The following PTPRM variants were observed in gnomAD, a reference collection of about 807,000 sequenced individuals.
PTPRM encodes the protein protein tyrosine phosphatase receptor type M, also known as receptor-type tyrosine-protein phosphatase mu.
Under a neutral mutation model 186.7 loss-of-function variants are expected in PTPRM, and 47 were observed. The observed-to-expected ratio is 0.25, with a 90% confidence interval of 0.20 to 0.32. The LOEUF (loss-of-function observed/expected upper bound fraction) is 0.32. Ranked by LOEUF, PTPRM falls within the 10% of genes least tolerant of loss-of-function variation. The pLI is 1.00. For missense variants in PTPRM, 1,494 were observed against 1,865.0 expected (o/e 0.80, Z 3.66); for synonymous variants, 668 against 674.9 (o/e 0.99, Z 0.16).
At chr18:8,185,739 T>C (rs1307222796) in intron 14 of PTPRM, among the ~76,000 whole-genome samples, 1 of 152,204 alleles carries the variant, frequency 6.6e-6, no homozygotes, top group Non-Finnish European at 1.5e-5. Context: ...GGCAGGCATA[T>C]GGAATAGAGT....
chr18:8,306,530 C>T lies in PTPRM; in HGVS notation c.2843-8251C>T, dbSNP rs372214382. ...AAACTACAGCTCAGGTCTTCTCAAA[C>T]TTAGCAGGCTGTGTGCCCCAGAAAT... is the stretch of plus-strand genomic sequence containing the variant. On this transcript the variant is annotated intron_variant, in intron 20 of 32. Transcript: ENST00000580170. 7.9e-5 allele frequency among the ~76,000 whole-genome samples: 12 copies of T among 152,352 alleles called. No homozygotes were observed. In the East Asian group the frequency reaches 1.7e-3, roughly 22 times the overall value.
intron 1 of PTPRM, among the ~76,000 whole-genome samples, chr18:7,766,968 G>T (rs1436027367): frequency 6.6e-6 from 1 of 152,194 alleles, no homozygotes; most frequent in Non-Finnish European, 1.5e-5. Context: ...AATCAGACAT[G>T]TTGAGTGAGA....
chr18:7,901,551 G>A (rs543330448), intron 3 of PTPRM, among the ~76,000 whole-genome samples: 1 of 152,084 alleles, frequency 6.6e-6, no homozygotes, highest in African/African-American at 2.4e-5. Flanking sequence ...ATTTTTAGTA[G>A]AGACGGGTTT....
chr18:7,978,853 TATATG>T (rs2055138146), intron 7 of PTPRM, among the ~76,000 whole-genome samples: 2 of 151,030 alleles, frequency 1.3e-5, no homozygotes, highest in Non-Finnish European at 3.0e-5. Context: ...CCAATAATGT[TATATG>T]ATTTTTTTTT....
intron 1 of PTPRM, among the ~76,000 whole-genome samples, chr18:7,753,465 A>G (rs575477022): frequency 6.6e-6 from 1 of 152,184 alleles, no homozygotes; most frequent in African/African-American, 2.4e-5. Context: ...TGCTTATATA[A>G]TCTTGAGAAA....
At chr18:7,595,251 C>A (rs906137643) in intron 1 of PTPRM, among the ~76,000 whole-genome samples, 11 of 152,156 alleles carry the variant, frequency 7.2e-5, no homozygotes, top group Non-Finnish European at 1.6e-4. Context: ...TATTTTGGAA[C>A]AGGTATTGTG....
intron 7 of PTPRM, among the ~76,000 whole-genome samples, chr18:8,061,364 T>C (rs1215577802): frequency 7.2e-6 from 1 of 139,628 alleles, no homozygotes; most frequent in Non-Finnish European, 1.5e-5. Flanking sequence ...GCACGTGAGA[T>C]GGGTTTCCTG....
At chr18:7,929,209 A>G (rs1371572511) in intron 5 of PTPRM, among the ~76,000 whole-genome samples, 1 of 152,218 alleles carries the variant, frequency 6.6e-6, no homozygotes, top group African/African-American at 2.4e-5. Flanking sequence ...TCAGGAAAGA[A>G]AGAAGGCAGA....
intron 1 of PTPRM, among the ~76,000 whole-genome samples, chr18:7,659,421 T>A (rs1053109362): frequency 6.6e-6 from 1 of 152,166 alleles, no homozygotes; most frequent in Non-Finnish European, 1.5e-5. Flanking sequence ...CACAATTCAT[T>A]TTCCACCTAG....
intron 5 of PTPRM, among the ~76,000 whole-genome samples, chr18:7,936,596 C>T (rs115373747): frequency 0.012 from 1,865 of 152,224 alleles, 27 homozygotes; most frequent in African/African-American, 0.042. Context: ...CTGCAGGTGC[C>T]CCTCAGCATG....
At chr18:8,334,321 C>T (rs2095427256) in intron 22 of PTPRM, among the ~76,000 whole-genome samples, 1 of 152,212 alleles carries the variant, frequency 6.6e-6, no homozygotes, top group Non-Finnish European at 1.5e-5. Flanking sequence ...CCTCCCTGGT[C>T]TGAATCAAGA....
intron 23 of PTPRM, among the ~76,000 whole-genome samples, chr18:8,364,628 C>A (rs2095617056): frequency 1.3e-5 from 2 of 152,164 alleles, no homozygotes; most frequent in African/African-American, 4.8e-5. Context: ...AATATCCATC[C>A]ACCCTCTTCT....
At chr18:7,957,229 T>TATATA (rs916588003) in intron 7 of PTPRM, among the ~76,000 whole-genome samples, 4 of 152,032 alleles carry the variant, frequency 2.6e-5, no homozygotes, top group Non-Finnish European at 5.9e-5. Context: ...TCTGTACATC[T>TATATA]CAGCTATTGA....
Position 8,336,969 on chromosome 18 carries a change from C to CA in PTPRM, c.2957-6447dup, listed in dbSNP as rs532249432. 3.7e-3 allele frequency among the ~76,000 whole-genome samples: 551 copies of CA among 149,936 alleles called. 3 individuals are homozygous for CA. Among genetic ancestry groups the CA allele is most frequent in the African/African-American group, 0.012 (508 of 40,736 alleles). On this transcript the variant is annotated intron_variant, in intron 22 of 32. Coordinates refer to ENST00000580170, the MANE Select transcript of PTPRM (RefSeq NM_001105244.2). ...TCCAGCCTGGCAACAGAGCAATCGT[C>CA]AAAAAAATGTATATAATAATACATT...
intron 14 of PTPRM, among the ~76,000 whole-genome samples, chr18:8,157,416 C>G (rs1457037881): frequency 6.6e-6 from 1 of 152,188 alleles, no homozygotes; most frequent in Non-Finnish European, 1.5e-5. Flanking sequence ...GAGCTGTCTC[C>G]CCTTGAGAGG....
intron 14 of PTPRM, among the ~76,000 whole-genome samples, chr18:8,215,671 T>C (rs2147009582): frequency 6.6e-6 from 1 of 151,498 alleles, no homozygotes; most frequent in South Asian, 2.1e-4. Flanking sequence ...GTCTCCTGAG[T>C]AGCTGAGACT....
At chr18:8,144,438 A>G (rs940793066) in intron 14 of PTPRM, among the ~76,000 whole-genome samples, 1 of 152,184 alleles carries the variant, frequency 6.6e-6, no homozygotes, top group African/African-American at 2.4e-5. Flanking sequence ...CCTGGGCAAC[A>G]TGACAAAACC....
At position 7,605,000 on chromosome 18, in the gene PTPRM, C is replaced by T. The variant is rs1044315134; in HGVS notation, c.73+37109C>T. 3.9e-4 allele frequency among the ~76,000 whole-genome samples: 59 copies of T among 152,024 alleles called. 1 individual carries two copies. Among genetic ancestry groups the T allele is most frequent in the Admixed American group, 1.3e-4 (2 of 15,266 alleles). Reference sequence around the variant, plus strand: ...TTTCTTGGTGCTGACAAATTGATACCATTTGGAATACAGAGAAAAAGTTTC... The same window carrying T: ...TTTCTTGGTGCTGACAAATTGATACTATTTGGAATACAGAGAAAAAGTTTC... On this transcript the variant is annotated intron_variant, in intron 1 of 32. Coordinates refer to ENST00000580170, the MANE Select transcript of PTPRM (RefSeq NM_001105244.2).
Position 8,126,027 on chromosome 18 carries a change from A to ATATTTTTTTTT in PTPRM, c.2167+11201_2167+11202insATTTTTTTTTT, listed in dbSNP as rs57751538. ...TATATATATATATATATATATATATATTTTAAATCAGTAGACCTTTCCATT... is the reference window on the plus strand; with the variant it reads ...TATATATATATATATATATATATATATATTTTTTTTTTTTTAAATCAGTAGACCTTTCCATT... On this transcript the variant is annotated intron_variant, in intron 13 of 32. Coordinates refer to ENST00000580170, the MANE Select transcript of PTPRM (RefSeq NM_001105244.2). 1.7e-3 allele frequency among the ~76,000 whole-genome samples: 116 copies of ATATTTTTTTTT among 69,430 alleles called. 1 individual carries two copies. Among genetic ancestry groups the ATATTTTTTTTT allele is most frequent in the Non-Finnish European group, 2.0e-3 (70 of 35,254 alleles). The allele number at this position is 69,430 out of a possible 152,430, so 45.5% of individuals were successfully genotyped here. A position where few individuals can be genotyped will look rare whatever the true frequency, so the allele number is the denominator to read the frequency against.
Sources: gnomAD v4.1 joint callset for allele counts (sites outside exome capture counted in the v4.1 genomes callset) on GRCh38, gnomAD v4.1.1 for gene constraint, MANE v1.5 for transcripts, NCBI Gene and HGNC (gene_info 2026-07-23, HGNC 2026-07-21) for gene names.